The following DAB2IP variants were observed in gnomAD, a reference collection of about 807,000 sequenced individuals.
The protein encoded by DAB2IP is disabled homolog 2-interacting protein.
A neutral mutation model predicts 107.2 loss-of-function variants in DAB2IP; 28 were observed. That is an observed-to-expected ratio of 0.26 (90% CI 0.19 to 0.36). The LOEUF (loss-of-function observed/expected upper bound fraction) is 0.36. Ranked by LOEUF, DAB2IP falls within the 10% of genes least tolerant of loss-of-function variation. The probability of loss-of-function intolerance (pLI) is 1.00; values close to 1 mark genes in which losing one functional copy is unlikely to be tolerated. For missense variants in DAB2IP, 1,400 were observed against 1,644.7 expected (o/e 0.85, Z 2.57); for synonymous variants, 755 against 706.4 (o/e 1.07, Z -1.09).
chr9:121,753,928 C>T (rs1320327035), intron 3 of DAB2IP, among the ~76,000 whole-genome samples: 1 of 152,138 alleles, frequency 6.6e-6, no homozygotes. Flanking sequence ...CTTCCCTAGG[C>T]TGGCAAGGCA....
intron 1 of DAB2IP, among the ~76,000 whole-genome samples, chr9:121,645,731 C>T (rs902532691): frequency 3.9e-5 from 6 of 152,310 alleles, no homozygotes; most frequent in Middle Eastern, 3.4e-3. Flanking sequence ...CAGCTTCCCC[C>T]GTTCATCAGT....
Position 121,783,330 on chromosome 9 carries a change from G to A in DAB2IP, c.*832G>A, listed in dbSNP as rs556203477. 1.3e-4 allele frequency: 190 copies of A among 1,431,774 alleles called. No individual in the cohort carries two copies. In the African/African-American group the frequency reaches 2.1e-3, roughly 15 times the overall value. The allele number at this position is 1,431,774 out of a possible 1,614,324, so 88.7% of individuals were successfully genotyped here. A position where few individuals can be genotyped will look rare whatever the true frequency, so the allele number is the denominator to read the frequency against. On this transcript the variant is annotated 3_prime_UTR_variant, in exon 16 of 16. Transcript: ENST00000408936. Reference sequence around the variant, plus strand: ...GCTCCCAGAAGCCAGAGATCTGGGCGGATCTGGCCAGATGGCTCTGAGCAC... The same window carrying A: ...GCTCCCAGAAGCCAGAGATCTGGGCAGATCTGGCCAGATGGCTCTGAGCAC...
At chr9:121,773,544 G>A in intron 12 of DAB2IP, 49 bp downstream of exon 12, 4 of 1,423,838 alleles carry the variant, frequency 2.8e-6, no homozygotes, top group Non-Finnish European at 3.7e-6. Flanking sequence ...GGCCCAGCTG[G>A]GGCTGTCATA....
chr9:121,748,204 C>T (rs140044849), intron 3 of DAB2IP, among the ~76,000 whole-genome samples: 82 of 152,266 alleles, frequency 5.4e-4, no homozygotes, highest in African/African-American at 1.9e-3. Flanking sequence ...GAAATGGCAC[C>T]TAGAAGGGGG....
intron 1 of DAB2IP, among the ~76,000 whole-genome samples, chr9:121,621,439 A>C (rs1285836733): frequency 1.2e-4 from 18 of 151,626 alleles, no homozygotes; most frequent in Non-Finnish European, 2.9e-5. Flanking sequence ...TGAACAACCC[A>C]CTCCATGGCC....
intron 3 of DAB2IP, among the ~76,000 whole-genome samples, chr9:121,725,509 G>A (rs892242230): frequency 6.6e-6 from 1 of 152,242 alleles, no homozygotes; most frequent in African/African-American, 2.4e-5. Context: ...TGCTTCCTCT[G>A]TGTACGCTCT....
intron 1 of DAB2IP, among the ~76,000 whole-genome samples, chr9:121,636,056 A>ACC (rs751448415): frequency 7.9e-5 from 12 of 152,002 alleles, no homozygotes; most frequent in Non-Finnish European, 1.6e-4. Context: ...GGTACATGCC[A>ACC]CCATGCCCAG....
chr9:121,720,972 A>G (rs1302305360), intron 3 of DAB2IP, among the ~76,000 whole-genome samples: 9 of 152,342 alleles, frequency 5.9e-5, no homozygotes, highest in Admixed American at 5.9e-4. Flanking sequence ...TACCAGCTTC[A>G]AAGAGGGGCA....
chr9:121,709,331 C>T (rs926883324), intron 3 of DAB2IP, among the ~76,000 whole-genome samples: 7 of 152,158 alleles, frequency 4.6e-5, no homozygotes, highest in African/African-American at 1.7e-4. Flanking sequence ...CTGCTCTGTT[C>T]ATGGCAAGCT....
Position 121,578,325 on chromosome 9 carries a change from C to G in DAB2IP, c.40+11097C>G, listed in dbSNP as rs1830112404. Among the ~76,000 whole-genome samples, 3 of 152,152 alleles carry G rather than the reference C, an allele frequency of 2.0e-5. No individual in the cohort carries two copies. The East Asian group carries it at 5.8e-4, about 29-fold the overall frequency. The stretch of plus-strand genomic sequence containing the variant: ...TCTCTGTATCTCTGCCTCTCTCTCT[C>G]TCTTTCTCCCTCCTGCTGGGCTCCC... On this transcript the variant is annotated intron_variant, in intron 1 of 16. Coordinates refer to the DAB2IP transcript ENST00000259371.
At chr9:121,577,747 A>C (rs1830098197) in intron 1 of DAB2IP, among the ~76,000 whole-genome samples, 1 of 152,228 alleles carries the variant, frequency 6.6e-6, no homozygotes, top group East Asian at 1.9e-4. Context: ...TTAGGCATGG[A>C]AAATGGAGGG....
Position 121,776,510 on chromosome 9 carries a change from G to C in DAB2IP, c.3314+119G>C. 1 of 1,192,862 alleles carries C rather than the reference G, an allele frequency of 8.4e-7. No individual in the cohort carries two copies. The highest frequency in any genetic ancestry group is 1.6e-5 in the South Asian group (1 of 62,152). The allele number at this position is 1,192,862 out of a possible 1,614,324, so 73.9% of individuals were successfully genotyped here. The stretch of plus-strand genomic sequence containing the variant: ...GGATAAGCTGAATGTGGAGAGAGGA[G>C]GGAAGAGAGTGTCTGGGCAGTGGGA... On this transcript the variant is annotated intron_variant, in intron 14 of 15. Transcript: ENST00000408936. The surrounding 1 kb of genome is among the most constrained non-coding windows in gnomAD (Gnocchi z 5.4).
In DAB2IP at chr9:121,651,886, C is replaced by A; in HGVS notation, c.111C>A (p.Thr37=). 1 of 1,420,768 alleles carries A rather than the reference C, an allele frequency of 7.0e-7. No homozygotes were observed. The highest frequency in any genetic ancestry group is 9.2e-7 in the Non-Finnish European group (1 of 1,081,092). 88.0% of individuals were successfully genotyped at this position (1,420,768 alleles called of 1,614,324 possible). A position where few individuals can be genotyped will look rare whatever the true frequency, so the allele number is the denominator to read the frequency against. ...AGAGGAGCCGCTCCCGCAGCCGGAC[C>A]CGGCCTGCCAGGGGTAGGCGCCACC... Residue 37 remains threonine, a synonymous_variant, in exon 1 of 16, where the codon ACC becomes ACA. Transcript: ENST00000408936. The surrounding 1 kb of genome is among the most constrained non-coding windows in gnomAD (Gnocchi z 5.1).
rs751040780 is a variant in DAB2IP at position 121,772,542 on chromosome 9, G to A, written c.2079-65G>A. 21 of 1,546,084 alleles carry A rather than the reference G, an allele frequency of 1.4e-5. No individual in the cohort carries two copies. Among genetic ancestry groups the A allele is most frequent in the Middle Eastern group, 1.7e-4 (1 of 5,784 alleles). On this transcript the variant is annotated intron_variant, in intron 11 of 15. Transcript: ENST00000408936. This position sits in a 1 kb window ranked among gnomAD's most constrained non-coding sequence, Gnocchi z 4.7. ...TGGCGGGTGCTGTCGGTTTGGACCCGCCTTGGCTGCACTCACAGTTCTTCT... is the reference window on the plus strand; with the variant it reads ...TGGCGGGTGCTGTCGGTTTGGACCCACCTTGGCTGCACTCACAGTTCTTCT...
At chr9:121,687,115 G>T (rs576716982) in intron 2 of DAB2IP, among the ~76,000 whole-genome samples, 2 of 152,280 alleles carry the variant, frequency 1.3e-5, no homozygotes, top group South Asian at 4.2e-4. Flanking sequence ...AGTCCCAGGG[G>T]TTTGTGTGTC....
At chr9:121,612,033 T>C (rs967532671) in intron 1 of DAB2IP, among the ~76,000 whole-genome samples, 3 of 152,166 alleles carry the variant, frequency 2.0e-5, no homozygotes, top group Non-Finnish European at 4.4e-5. Context: ...AGTCTTGGGA[T>C]CCTCTGGCCA....
At chr9:121,627,804 A>G (rs1246909469) in intron 1 of DAB2IP, among the ~76,000 whole-genome samples, 2 of 152,208 alleles carry the variant, frequency 1.3e-5, no homozygotes, top group African/African-American at 4.8e-5. Flanking sequence ...TTTTAAAGTC[A>G]TGTATCGTTC....
chr9:121,748,399 A>T (rs1000309415), intron 3 of DAB2IP, among the ~76,000 whole-genome samples: 1 of 151,712 alleles, frequency 6.6e-6, no homozygotes, highest in African/African-American at 2.4e-5. Context: ...GGCCGTTAGA[A>T]CCCCAGCTTT....
In DAB2IP at chr9:121,737,505, A is replaced by T. The variant is rs763234326; in HGVS notation, c.363-19508A>T. ...CCGAGAGGCCCCCTAATCTGTCCAGAAGAGCTGCCTGGGTGAGCACCACCC... is the reference window on the plus strand; with the variant it reads ...CCGAGAGGCCCCCTAATCTGTCCAGTAGAGCTGCCTGGGTGAGCACCACCC... On this transcript the variant is annotated intron_variant, in intron 3 of 15. Transcript: ENST00000408936. The T allele has an allele frequency of 1.1e-3, 1,107 of 985,300 alleles. 2 individuals are homozygous for T. The highest frequency in any genetic ancestry group is 1.8e-3 in the Admixed American group (30 of 16,272). 61.0% of individuals were successfully genotyped at this position (985,300 alleles called of 1,614,324 possible).
Sources: gnomAD v4.1 joint callset for allele counts (sites outside exome capture counted in the v4.1 genomes callset) on GRCh38, gnomAD v4.1.1 for gene constraint, Gnocchi (gnomAD v3.1) non-coding constraint, MANE v1.5 for transcripts, NCBI Gene and HGNC (gene_info 2026-07-23, HGNC 2026-07-21) for gene names.